The following CNTN6 variants were observed in gnomAD, a reference collection of about 807,000 sequenced individuals.
CNTN6 encodes contactin-6.
A neutral mutation model predicts 122.8 loss-of-function variants in CNTN6; 137 were observed. That is an observed-to-expected ratio of 1.12 (90% CI 0.97 to 1.29). The LOEUF (loss-of-function observed/expected upper bound fraction) is 1.29, where lower values mean the gene tolerates loss of function less well. Ranked by LOEUF, CNTN6 falls within the 50% of genes most tolerant of loss-of-function variation. The pLI, the probability that CNTN6 is intolerant of heterozygous loss-of-function variation, is 0.00. For synonymous variants in CNTN6, 570 were observed against 426.0 expected, an observed-to-expected ratio of 1.34 and a Z score of -4.16; for missense variants, 1,634 against 1,223.4, an observed-to-expected ratio of 1.34 and a Z score of -5.01.
intron 12 of CNTN6, among the ~76,000 whole-genome samples, chr3:1,362,552 A>G (rs1707618117): frequency 6.6e-6 from 1 of 152,068 alleles, no homozygotes; most frequent in Non-Finnish European, 1.5e-5. Context: ...GATAGCTATA[A>G]CAGAAAGAGG....
rs576756886 is a variant in CNTN6 at position 1,381,168 on chromosome 3, G to A, written c.2167-1774G>A. ...TATGTAGATGAACTGACTAAGCATCGTGATTAAATCCGAGATGAAAGAAAC... is the reference window on the plus strand; with the variant it reads ...TATGTAGATGAACTGACTAAGCATCATGATTAAATCCGAGATGAAAGAAAC... On this transcript the variant is annotated intron_variant, in intron 17 of 22. Transcript: ENST00000446702. Among the ~76,000 whole-genome samples, 5 of 152,238 alleles carry A rather than the reference G, an allele frequency of 3.3e-5. No homozygotes were observed. The East Asian group carries it at 5.8e-4, about 18-fold the overall frequency.
intron 2 of CNTN6, among the ~76,000 whole-genome samples, chr3:1,166,819 G>A (rs1187956960): frequency 6.6e-6 from 1 of 152,140 alleles, no homozygotes; most frequent in African/African-American, 2.4e-5. Flanking sequence ...TCACTCATAA[G>A]TGGGAGTTGA....
At chr3:1,128,816 A>T (rs1295254570) in intron 1 of CNTN6, among the ~76,000 whole-genome samples, 1 of 151,998 alleles carries the variant, frequency 6.6e-6, no homozygotes, top group East Asian at 1.9e-4. Context: ...TCTCTTTAGC[A>T]ACCCAAACAC....
chr3:1,332,238 A>C (rs1322044065), intron 11 of CNTN6, among the ~76,000 whole-genome samples: 5 of 151,858 alleles, frequency 3.3e-5, no homozygotes, highest in Non-Finnish European at 7.4e-5. Context: ...CTGAGCAGTA[A>C]TTTTCAAAAG....
intron 7 of CNTN6, among the ~76,000 whole-genome samples, chr3:1,312,403 C>T (rs1171807866): frequency 6.6e-6 from 1 of 151,840 alleles, no homozygotes; most frequent in Non-Finnish European, 1.5e-5. Flanking sequence ...CTCAGGAGAC[C>T]CACAGTTCTT....
At chr3:1,250,343 G>C (rs1389071439) in intron 4 of CNTN6, among the ~76,000 whole-genome samples, 3 of 152,152 alleles carry the variant, frequency 2.0e-5, no homozygotes, top group Admixed American at 1.3e-4. Context: ...TGTGGTTCCA[G>C]TTAGCTCACT....
intron 5 of CNTN6, among the ~76,000 whole-genome samples, chr3:1,285,659 G>A (rs1361673644): frequency 6.6e-6 from 1 of 152,098 alleles, no homozygotes; most frequent in Non-Finnish European, 1.5e-5. Flanking sequence ...GTTAGTGTTA[G>A]CTAACAACTA....
At chr3:1,214,460 C>G (rs1450127440) in intron 2 of CNTN6, among the ~76,000 whole-genome samples, 1 of 151,552 alleles carries the variant, frequency 6.6e-6, no homozygotes, top group Non-Finnish European at 1.5e-5. Flanking sequence ...AGGCGCCCAC[C>G]ACCACGCCCA....
At chr3:1,346,404 T>C (rs1299261994) in intron 11 of CNTN6, among the ~76,000 whole-genome samples, 1 of 152,154 alleles carries the variant, frequency 6.6e-6, no homozygotes, top group African/African-American at 2.4e-5. Context: ...GCCCTCCCTC[T>C]GGGTTGAGTG....
At chr3:1,180,158 T>C (rs1453495083) in intron 2 of CNTN6, among the ~76,000 whole-genome samples, 2 of 151,800 alleles carry the variant, frequency 1.3e-5, no homozygotes, top group Non-Finnish European at 2.9e-5. Context: ...TAATTTCAAA[T>C]AGTTCAGCAA....
intron 1 of CNTN6, among the ~76,000 whole-genome samples, chr3:1,142,968 G>GTGTATATATA (rs1217250181): frequency 2.0e-4 from 26 of 128,644 alleles, no homozygotes; most frequent in Non-Finnish European, 2.6e-4. Context: ...GTGTGTGTGT[G>GTGTATATATA]TATATATATA....
chr3:1,330,157 G>C (rs1702094609), intron 11 of CNTN6, among the ~76,000 whole-genome samples: 1 of 152,012 alleles, frequency 6.6e-6, no homozygotes, highest in South Asian at 2.1e-4. Flanking sequence ...TATTTTCAGT[G>C]CATGCACTTG....
intron 7 of CNTN6, among the ~76,000 whole-genome samples, chr3:1,311,745 A>T (rs1220025703): frequency 6.6e-6 from 1 of 151,622 alleles, no homozygotes; most frequent in Non-Finnish European, 1.5e-5. Flanking sequence ...TCTTTATTCT[A>T]CTTTTAACAT....
rs185080965 is a variant in CNTN6, at chr3:1,402,661, T to A, written c.2986+175T>A. On this transcript the variant is annotated intron_variant, in intron 22 of 22. Coordinates refer to ENST00000446702, the MANE Select transcript of CNTN6 (RefSeq NM_001289080.2). ...TAAGTTATTCTCCAAAATTATAACATACACTATAAATGGTTTTATGCTTCC... is the reference window on the plus strand; with the variant it reads ...TAAGTTATTCTCCAAAATTATAACAAACACTATAAATGGTTTTATGCTTCC... The A allele has an allele frequency of 5.7e-6, 3 of 530,654 alleles. No individual in the cohort carries two copies. In the East Asian group the frequency reaches 8.8e-5, roughly 16 times the overall value. The allele number at this position is 530,654 out of a possible 1,614,324, so 32.9% of individuals were successfully genotyped here.
At chr3:1,400,217 C>G (rs1695511002) in intron 20 of CNTN6, among the ~76,000 whole-genome samples, 1 of 152,074 alleles carries the variant, frequency 6.6e-6, no homozygotes, top group Admixed American at 6.6e-5. Context: ...ATCTTTACTT[C>G]CACTTTCCAG....
intron 4 of CNTN6, among the ~76,000 whole-genome samples, chr3:1,243,179 C>T (rs891949549): frequency 6.6e-6 from 1 of 152,144 alleles, no homozygotes; most frequent in African/African-American, 2.4e-5. Flanking sequence ...GTCCGATTTT[C>T]AGTGGGTTCC....
rs771133835 is a variant in CNTN6, at chr3:1,154,448, C to CTTTTTTTTTTTTTTTTTTT, written c.55+6397_55+6398insTTTTTTTTTTTTTTTTTTT. Reference sequence around the variant, plus strand: ...ATAATATTTTTCTTTTCTTTTCTTTCTTTTTTTTTTTTGAGGTGGAGTTTT... The same window carrying CTTTTTTTTTTTTTTTTTTT: ...ATAATATTTTTCTTTTCTTTTCTTTCTTTTTTTTTTTTTTTTTTTTTTTTTTTTTTTGAGGTGGAGTTTT... On this transcript the variant is annotated intron_variant, in intron 2 of 22. Coordinates refer to ENST00000446702, the MANE Select transcript of CNTN6 (RefSeq NM_001289080.2). 2.1e-4 allele frequency among the ~76,000 whole-genome samples: 30 copies of CTTTTTTTTTTTTTTTTTTT among 140,466 alleles called. 1 individual carries two copies. Among genetic ancestry groups the CTTTTTTTTTTTTTTTTTTT allele is most frequent in the African/African-American group, 4.4e-4 (16 of 36,260 alleles). 92.2% of individuals were successfully genotyped at this position (140,466 alleles called of 152,430 possible).
chr3:1,161,034 AT>A (rs147264882), intron 2 of CNTN6, among the ~76,000 whole-genome samples: 1,795 of 152,086 alleles, frequency 0.012, 44 homozygotes, highest in African/African-American at 0.04. Context: ...TGGTGGAAAT[AT>A]CATATCATGG....
chr3:1,142,445 T>C (rs1395168034), intron 1 of CNTN6, among the ~76,000 whole-genome samples: 1 of 152,154 alleles, frequency 6.6e-6, no homozygotes, highest in African/African-American at 2.4e-5. Flanking sequence ...TGCATCTTTT[T>C]CTACTACATA....
Sources: gnomAD v4.1 joint callset for allele counts (sites outside exome capture counted in the v4.1 genomes callset) on GRCh38, gnomAD v4.1.1 for gene constraint, MANE v1.5 for transcripts, NCBI Gene and HGNC (gene_info 2026-07-23, HGNC 2026-07-21) for gene names.